PPFIA2: variants seen among roughly 807,000 people sequenced by gnomAD.
The protein encoded by PPFIA2 is PPFI scaffold protein A2.
A neutral mutation model predicts 175.5 loss-of-function variants in PPFIA2; 46 were observed. The observed-to-expected ratio is 0.26, with a 90% confidence interval of 0.21 to 0.34. The LOEUF is 0.34. Among genes scored for constraint, PPFIA2 ranks in the 10% least tolerant of loss-of-function variants. The probability of loss-of-function intolerance (pLI) is 1.00; values close to 1 mark genes in which losing one functional copy is unlikely to be tolerated. For missense variants in PPFIA2, 1,179 were observed against 1,506.1 expected (o/e 0.78, Z 3.60); for synonymous variants, 568 against 511.4 (o/e 1.11, Z -1.49).
At chr12:81,456,396 T>C (rs1033295298) in intron 5 of PPFIA2, among the ~76,000 whole-genome samples, 1 of 152,194 alleles carries the variant, frequency 6.6e-6, no homozygotes, top group African/African-American at 2.4e-5. Flanking sequence ...ATGTGAATTC[T>C]CTTTACCATG....
chr12:81,486,724 T>C (rs966749426), intron 4 of PPFIA2, among the ~76,000 whole-genome samples: 1 of 151,800 alleles, frequency 6.6e-6, no homozygotes. Context: ...ACAACTTCAG[T>C]TTAGAAAAGT....
At chr12:81,384,800 A>G (rs1460796273) in intron 8 of PPFIA2, among the ~76,000 whole-genome samples, 1 of 152,116 alleles carries the variant, frequency 6.6e-6, no homozygotes, top group Non-Finnish European at 1.5e-5. Context: ...AGTATAGAAA[A>G]GTTTTTATTT....
chr12:81,367,282 C>T, intron 13 of PPFIA2, 112 bp from the exon 14 acceptor site: 2 of 750,876 alleles, frequency 2.7e-6, no homozygotes, highest in Non-Finnish European at 3.6e-6. Context: ...TTCCTTAGTT[C>T]AGGTATTTCT....
chr12:81,441,336 A>G (rs2050140238), intron 6 of PPFIA2, among the ~76,000 whole-genome samples: 1 of 152,024 alleles, frequency 6.6e-6, no homozygotes, highest in African/African-American at 2.4e-5. Context: ...AATTCCTGAA[A>G]TAGACCTTGA....
At chr12:81,314,652 C>T (rs1047575512) in intron 22 of PPFIA2, among the ~76,000 whole-genome samples, 1 of 151,878 alleles carries the variant, frequency 6.6e-6, no homozygotes, top group African/African-American at 2.4e-5. Flanking sequence ...AGATCTCCTA[C>T]AATTGAATGA....
intron 30 of PPFIA2, among the ~76,000 whole-genome samples, chr12:81,264,572 A>G (rs1018560494): frequency 1.3e-5 from 2 of 152,172 alleles, no homozygotes; most frequent in Non-Finnish European, 2.9e-5. Context: ...TATTCACTCA[A>G]CATAGTAATT....
chr12:81,643,367 A>C (rs2065624723), intron 4 of PPFIA2, among the ~76,000 whole-genome samples: 1 of 152,108 alleles, frequency 6.6e-6, no homozygotes, highest in East Asian at 1.9e-4. Flanking sequence ...TCTATTAATT[A>C]TCCTGCATAA....
chr12:81,754,022 A>G lies in PPFIA2; in HGVS notation c.200T>C (p.Ile67Thr), dbSNP rs1263251202. The G allele has an allele frequency of 2.4e-5, 38 of 1,613,812 alleles. No homozygotes were observed. The highest frequency in any genetic ancestry group is 3.1e-5 in the Non-Finnish European group (37 of 1,179,880). Residue 67 changes from isoleucine (I) to threonine (T), a missense_variant, in exon 3 of 33, where the codon ATC becomes ACC. By Grantham distance (89) the Ile-to-Thr change is moderately conservative. Transcript: ENST00000549396. ...SLAQQRLQDV[I>T]YDRDSLQRQL... ...TCTCTGGAGTGAGTCTCGGTCATAG[A>G]TGACATCCTGAAGTCTTTGCTGGGC...
intron 31 of PPFIA2, 49 bp from the exon 32 acceptor site, chr12:81,262,089 A>T: frequency 8.2e-7 from 1 of 1,222,778 alleles, no homozygotes; most frequent in Non-Finnish European, 1.2e-6. Flanking sequence ...ATTGAGTACA[A>T]GATTTCAGAT....
chr12:81,650,832 C>T (rs747324762), intron 4 of PPFIA2, among the ~76,000 whole-genome samples: 1 of 151,946 alleles, frequency 6.6e-6, no homozygotes, highest in Non-Finnish European at 1.5e-5. Context: ...TAGGTAGGAA[C>T]GAAGAGAAAC....
Position 81,684,008 on chromosome 12 carries a change from T to C in PPFIA2, c.250-7164A>G, listed in dbSNP as rs149649778. Among the ~76,000 whole-genome samples, 59 of 152,176 alleles carry C rather than the reference T, an allele frequency of 3.9e-4. No individual in the cohort carries two copies. The East Asian group carries it at 4.7e-3, about 12-fold the overall frequency. ...TCACCCCCAAGGGAGGGCATTAATC[T>C]ATTCATGAGGGATCTGTCCCATGAC... On this transcript the variant is annotated intron_variant, in intron 3 of 32. Transcript: ENST00000549396.
intron 22 of PPFIA2, among the ~76,000 whole-genome samples, chr12:81,317,853 G>T (rs1594727963): frequency 1.3e-5 from 2 of 151,580 alleles, no homozygotes; most frequent in African/African-American, 2.4e-5. Context: ...TCAGGGCAGG[G>T]ACAATTTAAA....
In PPFIA2 at chr12:81,663,426, A is replaced by C. The variant is rs551962373; in HGVS notation, c.303+13365T>G. ...AAACAGAGAGCCAAATCATGAGTGA[A>C]CTCCCATTCACAATTGCTTCAAAGA... On this transcript the variant is annotated intron_variant, in intron 4 of 32. Transcript: ENST00000549396. 1.5e-4 allele frequency among the ~76,000 whole-genome samples: 23 copies of C among 152,168 alleles called. No homozygotes were observed. The South Asian group carries it at 3.5e-3, about 23-fold the overall frequency.
chr12:81,430,614 T>A (rs551559518), intron 7 of PPFIA2: 36 of 152,036 alleles, frequency 2.4e-4, no homozygotes, highest in African/African-American at 8.4e-4. Context: ...GACTCTTGAC[T>A]TGCTTGAGTC....
chr12:81,696,852 C>T (rs1454739797), intron 3 of PPFIA2, among the ~76,000 whole-genome samples: 2 of 151,754 alleles, frequency 1.3e-5, no homozygotes, highest in African/African-American at 4.8e-5. Context: ...CCTATATGAT[C>T]CCCCGCTACT....
chr12:81,751,981 T>G (rs1309192189), intron 3 of PPFIA2, among the ~76,000 whole-genome samples: 1 of 152,110 alleles, frequency 6.6e-6, no homozygotes, highest in Admixed American at 6.6e-5. Flanking sequence ...TTGGTAAGAT[T>G]GGGATTTAAA....
chr12:81,329,707 G>A lies in PPFIA2; in HGVS notation c.2549-3837C>T, dbSNP rs907517900. Among the ~76,000 whole-genome samples the A allele has an allele frequency of 5.9e-5, 9 of 152,310 alleles. 1 individual carries two copies. The highest frequency in any genetic ancestry group is 3.3e-4 in the Admixed American group (5 of 15,294). ...GCATCTGGTCGAGTGCATGCGTGGCGTAGAGTGTCAAAGAAAACCCTGAAG... is the reference window on the plus strand; with the variant it reads ...GCATCTGGTCGAGTGCATGCGTGGCATAGAGTGTCAAAGAAAACCCTGAAG... On this transcript the variant is annotated intron_variant, in intron 21 of 32. Transcript: ENST00000549396.
chr12:81,653,352 T>C (rs10778821), intron 4 of PPFIA2, among the ~76,000 whole-genome samples: 74,556 of 151,840 alleles, frequency 0.49, 19,481 homozygotes, highest in Middle Eastern at 0.59. Context: ...CACAGTTAGA[T>C]CCTTTGTTCC....
chr12:81,432,837 C>A (rs1245696403), intron 7 of PPFIA2, among the ~76,000 whole-genome samples: 1 of 151,992 alleles, frequency 6.6e-6, no homozygotes, highest in Non-Finnish European at 1.5e-5. Context: ...CTGGAAGATG[C>A]CCAATAAGTA....
Sources: gnomAD v4.1 joint callset for allele counts (sites outside exome capture counted in the v4.1 genomes callset) on GRCh38, gnomAD v4.1.1 for gene constraint, MANE v1.5 for transcripts, NCBI Gene and HGNC (gene_info 2026-07-23, HGNC 2026-07-21) for gene names.